PTPRD: variants seen among roughly 807,000 people sequenced by gnomAD.
PTPRD encodes receptor-type tyrosine-protein phosphatase delta.
PTPRD carries 34 observed loss-of-function variants against 214.5 expected under a neutral mutation model. That is an observed-to-expected ratio of 0.16 (90% CI 0.12 to 0.21). The LOEUF is 0.21. Ranked by LOEUF, PTPRD falls within the 10% of genes least tolerant of loss-of-function variation. The pLI is 1.00. For synonymous variants in PTPRD, 1,128 were observed against 845.7 expected (o/e 1.33, Z -5.79); for missense variants, 2,545 against 2,398.7 (o/e 1.06, Z -1.27).
chr9:10,226,097 C>G (rs1323332955), intron 3 of PTPRD, among the ~76,000 whole-genome samples: 1 of 151,952 alleles, frequency 6.6e-6, no homozygotes, highest in Non-Finnish European at 1.5e-5. Flanking sequence ...CTGGAATGCA[C>G]AAGTCAATAT....
At chr9:10,556,027 T>C (rs1387947905) in intron 2 of PTPRD, among the ~76,000 whole-genome samples, 1 of 152,108 alleles carries the variant, frequency 6.6e-6, no homozygotes, top group Non-Finnish European at 1.5e-5. Flanking sequence ...TTACAACAAA[T>C]TTCAGTAACA....
chr9:9,875,903 T>C (rs150372770), intron 5 of PTPRD, among the ~76,000 whole-genome samples: 11 of 152,200 alleles, frequency 7.2e-5, no homozygotes, highest in Non-Finnish European at 1.2e-4. Context: ...TCCAAGATAA[T>C]GGTTTTCTCT....
At chr9:8,784,793 T>C (rs1158691014) in intron 11 of PTPRD, among the ~76,000 whole-genome samples, 29 of 152,176 alleles carry the variant, frequency 1.9e-4, no homozygotes, top group Admixed American at 1.9e-3. Context: ...TGTCTGCTAC[T>C]AAAAAGTTTG....
At chr9:9,971,754 G>C (rs2095114102) in intron 4 of PTPRD, among the ~76,000 whole-genome samples, 1 of 152,142 alleles carries the variant, frequency 6.6e-6, no homozygotes, top group Non-Finnish European at 1.5e-5. Flanking sequence ...TATGACTCAT[G>C]TAACAATATA....
intron 4 of PTPRD, among the ~76,000 whole-genome samples, chr9:9,982,176 G>C (rs945425959): frequency 2.0e-5 from 3 of 152,074 alleles, no homozygotes; most frequent in Non-Finnish European, 4.4e-5. Context: ...ATACAGATCT[G>C]TGCCAAGAAA....
chr9:9,290,057 C>A lies in PTPRD; in HGVS notation c.-202-106694G>T, dbSNP rs546520506. On this transcript the variant is annotated intron_variant, in intron 9 of 45. Coordinates refer to ENST00000381196, the MANE Select transcript of PTPRD (RefSeq NM_002839.4). Reference sequence around the variant, plus strand: ...ATACTGTTTTCCATGATGATCATACCAATTTGTATTCCCACCAATGGTATA... The same window carrying A: ...ATACTGTTTTCCATGATGATCATACAAATTTGTATTCCCACCAATGGTATA... Among the ~76,000 whole-genome samples the A allele has an allele frequency of 2.6e-5, 4 of 151,584 alleles. No homozygotes were observed. In the East Asian group the frequency reaches 7.9e-4, roughly 30 times the overall value.
chr9:10,238,865 T>C (rs898644238), intron 3 of PTPRD, among the ~76,000 whole-genome samples: 6 of 151,928 alleles, frequency 3.9e-5, no homozygotes, highest in Non-Finnish European at 7.4e-5. Context: ...ACAGAAGCAG[T>C]ACTACTTCCT....
intron 35 of PTPRD, among the ~76,000 whole-genome samples, chr9:8,409,435 G>A (rs75031996): frequency 0.028 from 4,299 of 152,134 alleles, 201 homozygotes; most frequent in African/African-American, 0.099. Flanking sequence ...GAAACACAAC[G>A]CACAGAAGGT....
At chr9:10,524,775 A>G (rs2053693399) in intron 2 of PTPRD, among the ~76,000 whole-genome samples, 1 of 152,056 alleles carries the variant, frequency 6.6e-6, no homozygotes, top group South Asian at 2.1e-4. Flanking sequence ...TACTAAAAAC[A>G]GTTTTCAATT....
intron 7 of PTPRD, among the ~76,000 whole-genome samples, chr9:9,706,689 C>T (rs574145927): frequency 6.6e-6 from 1 of 152,186 alleles, no homozygotes; most frequent in East Asian, 1.9e-4. Context: ...ATCCGTCTGC[C>T]TCAGCCTCCC....
intron 35 of PTPRD, among the ~76,000 whole-genome samples, chr9:8,435,992 C>T (rs1326845744): frequency 2.0e-5 from 3 of 152,154 alleles, no homozygotes; most frequent in African/African-American, 2.4e-5. Context: ...ACTTAATCTT[C>T]GTAATCTTTC....
At chr9:8,426,674 C>G (rs1272980063) in intron 35 of PTPRD, among the ~76,000 whole-genome samples, 1 of 151,934 alleles carries the variant, frequency 6.6e-6, no homozygotes, top group African/African-American at 2.4e-5. Context: ...AGAATAAGGA[C>G]TGGGAAACAG....
intron 4 of PTPRD, among the ~76,000 whole-genome samples, chr9:9,940,846 C>A (rs193062429): frequency 7.9e-5 from 12 of 152,094 alleles, no homozygotes; most frequent in African/African-American, 2.9e-4. Context: ...AACTCTTGCT[C>A]ATATTTTACA....
intron 2 of PTPRD, among the ~76,000 whole-genome samples, chr9:10,361,429 G>T (rs1007675616): frequency 1.3e-5 from 2 of 152,102 alleles, no homozygotes; most frequent in Non-Finnish European, 2.9e-5. Flanking sequence ...TGTAGACAAG[G>T]GTACAGGGGT....
chr9:10,418,895 C>T (rs2098519803), intron 2 of PTPRD, among the ~76,000 whole-genome samples: 1 of 151,808 alleles, frequency 6.6e-6, no homozygotes, highest in African/African-American at 2.4e-5. Context: ...TATTTCACTA[C>T]AGTATCAAGG....
chr9:9,255,586 T>C (rs1032476474), intron 9 of PTPRD, among the ~76,000 whole-genome samples: 2 of 152,058 alleles, frequency 1.3e-5, no homozygotes, highest in Admixed American at 6.6e-5. Flanking sequence ...ATAAGTGTAA[T>C]AGTTTGTTCA....
intron 9 of PTPRD, among the ~76,000 whole-genome samples, chr9:9,209,065 C>G (rs1325813493): frequency 6.6e-6 from 1 of 152,028 alleles, no homozygotes; most frequent in Non-Finnish European, 1.5e-5. Flanking sequence ...GCCTTGGCCT[C>G]CCAAAGTGCT....
chr9:8,422,514 C>T (rs1388147175), intron 35 of PTPRD, among the ~76,000 whole-genome samples: 7 of 152,126 alleles, frequency 4.6e-5, no homozygotes, highest in African/African-American at 1.4e-4. Flanking sequence ...ACTTCAGCCA[C>T]GTCACTTAAC....
intron 3 of PTPRD, among the ~76,000 whole-genome samples, chr9:10,131,558 T>C (rs1308870037): frequency 1.3e-5 from 2 of 152,208 alleles, no homozygotes; most frequent in Non-Finnish European, 2.9e-5. Flanking sequence ...CCCAAATCCG[T>C]GACCAACTTA....
Sources: gnomAD v4.1 joint callset for allele counts (sites outside exome capture counted in the v4.1 genomes callset) on GRCh38, gnomAD v4.1.1 for gene constraint, MANE v1.5 for transcripts, NCBI Gene and HGNC (gene_info 2026-07-23, HGNC 2026-07-21) for gene names.